Variants in THSD7B observed in about 807,000 individuals in gnomAD.
The protein encoded by THSD7B is thrombospondin type 1 domain containing 7B.
A neutral mutation model predicts 213.6 loss-of-function variants in THSD7B; 138 were observed. The ratio of observed to expected loss-of-function variants is 0.65; its 90% confidence interval spans 0.56 to 0.74. The LOEUF (loss-of-function observed/expected upper bound fraction) is 0.74, where lower values mean the gene tolerates loss of function less well. Among genes scored for constraint, THSD7B ranks in the 30% least tolerant of loss-of-function variants. The pLI is 0.00. For missense variants in THSD7B, 1,931 were observed against 1,991.5 expected (o/e 0.97, Z 0.58); for synonymous variants, 742 against 687.0 (o/e 1.08, Z -1.25).
intron 1 of THSD7B, among the ~76,000 whole-genome samples, chr2:136,819,210 A>G (rs1383028585): frequency 6.6e-6 from 1 of 152,232 alleles, no homozygotes; most frequent in East Asian, 1.9e-4. Flanking sequence ...GGTCTTTAAA[A>G]GTCAAGATCA....
At chr2:136,903,220 A>G (rs579944) in intron 2 of THSD7B, among the ~76,000 whole-genome samples, 65,344 of 152,130 alleles carry the variant, frequency 0.43, 15,629 homozygotes, top group Non-Finnish European at 0.55. Context: ...GTTGCCTGGC[A>G]TATATTAAAT....
rs1192969273 is a variant in THSD7B, at chr2:137,616,196, C to T, written c.3445C>T (p.Gln1149Ter). Residue 1149 changes from glutamine to a stop codon, truncating the protein, a stop_gained, in exon 18 of 28, where the codon CAG (glutamine) becomes TAG (stop). Transcript: ENST00000409968. LOFTEE classifies it high-confidence loss of function. ...ATAGTCATGCGATCCCCACACAATG[C>T]AGAGAAGAACTCGCCACCTGCTAAG... is the stretch of plus-strand genomic sequence containing the variant. ...CPQSCDPHTMQRRTRHLLRPS... is the reference protein window; with the variant it reads ...CPQSCDPHTM 3.7e-6 allele frequency: 6 copies of T among 1,613,648 alleles called. No individual in the cohort carries two copies. Among genetic ancestry groups the T allele is most frequent in the Non-Finnish European group, 5.1e-6 (6 of 1,179,700 alleles).
intron 12 of THSD7B, among the ~76,000 whole-genome samples, chr2:137,285,475 G>A (rs896891778): frequency 6.6e-6 from 1 of 151,892 alleles, no homozygotes; most frequent in African/African-American, 2.4e-5. Flanking sequence ...CTCATTAGTT[G>A]ATGCAGTTTC....
At chr2:137,610,730 T>C (rs79421735) in intron 17 of THSD7B, among the ~76,000 whole-genome samples, 7,395 of 152,196 alleles carry the variant, frequency 0.049, 233 homozygotes, top group Middle Eastern at 0.092. Flanking sequence ...AAAAAATTAA[T>C]TTGTCTGACA....
At chr2:137,268,747 T>C (rs1682662684) in intron 10 of THSD7B, among the ~76,000 whole-genome samples, 1 of 152,250 alleles carries the variant, frequency 6.6e-6, no homozygotes, top group South Asian at 2.1e-4. Context: ...GCCTTAACCA[T>C]CTGGAAATGC....
intron 1 of THSD7B, among the ~76,000 whole-genome samples, chr2:136,848,130 C>G (rs1325386294): frequency 6.6e-6 from 1 of 152,188 alleles, no homozygotes; most frequent in Non-Finnish European, 1.5e-5. Flanking sequence ...ATCCAGGTTT[C>G]TCATACAGTG....
At chr2:137,657,199 A>T (rs779953879) in intron 24 of THSD7B, 39 bp downstream of exon 24, 28 of 1,572,690 alleles carry the variant, frequency 1.8e-5, no homozygotes, top group African/African-American at 8.1e-5. Flanking sequence ...CTTCACAAAC[A>T]CCCCTGAGTG....
At chr2:136,973,919 C>A (rs1685441640) in intron 2 of THSD7B, among the ~76,000 whole-genome samples, 1 of 152,118 alleles carries the variant, frequency 6.6e-6, no homozygotes, top group Non-Finnish European at 1.5e-5. Context: ...TGCGATAATG[C>A]ATTGTGTAAC....
intron 3 of THSD7B, among the ~76,000 whole-genome samples, chr2:137,080,962 A>G (rs550450772): frequency 6.6e-6 from 1 of 152,304 alleles, no homozygotes; most frequent in East Asian, 1.9e-4. Flanking sequence ...GGAGATTCAA[A>G]TCTGTTTGAA....
chr2:137,419,489 G>GC (rs371311047), intron 14 of THSD7B, among the ~76,000 whole-genome samples: 3 of 150,886 alleles, frequency 2.0e-5, no homozygotes, highest in Non-Finnish European at 3.0e-5. Context: ...ATGCCAAGGT[G>GC]CCCCCCACCT....
At chr2:137,014,271 CG>C (rs1451861378) in intron 2 of THSD7B, among the ~76,000 whole-genome samples, 3 of 152,152 alleles carry the variant, frequency 2.0e-5, no homozygotes, top group African/African-American at 7.2e-5. Context: ...AGCATTCACA[CG>C]TCTCTGCAAC....
At chr2:136,865,984 A>G (rs773238981) in intron 1 of THSD7B, among the ~76,000 whole-genome samples, 6 of 152,178 alleles carry the variant, frequency 3.9e-5, no homozygotes, top group African/African-American at 1.2e-4. Flanking sequence ...GTAAGATGAC[A>G]TATTGTGTTA....
At chr2:136,946,352 A>G (rs578212755) in intron 2 of THSD7B, among the ~76,000 whole-genome samples, 30 of 152,188 alleles carry the variant, frequency 2.0e-4, no homozygotes, top group African/African-American at 7.0e-4. Context: ...TTCCTCTGGA[A>G]GGTTCATCCC....
chr2:137,323,042 A>G (rs1402360893), intron 12 of THSD7B, among the ~76,000 whole-genome samples: 3 of 152,154 alleles, frequency 2.0e-5, no homozygotes, highest in Non-Finnish European at 4.4e-5. Flanking sequence ...CCTGACTCTC[A>G]GGCAAGCTCA....
chr2:137,646,198 T>C (rs1043467264), intron 21 of THSD7B, among the ~76,000 whole-genome samples: 13 of 152,002 alleles, frequency 8.6e-5, no homozygotes, highest in South Asian at 4.1e-4. Flanking sequence ...AATTCAGAAG[T>C]GGAGTTATTG....
At chr2:137,522,528 CT>C (rs376162135) in intron 15 of THSD7B, among the ~76,000 whole-genome samples, 6,695 of 145,642 alleles carry the variant, frequency 0.046, 262 homozygotes, top group African/African-American at 0.11. Context: ...TTCAGAGTCA[CT>C]TTTTTTTTTT....
intron 1 of THSD7B, among the ~76,000 whole-genome samples, chr2:136,877,574 G>A (rs1401455853): frequency 2.0e-5 from 3 of 152,308 alleles, no homozygotes; most frequent in East Asian, 1.9e-4. Context: ...TCCCTGGATT[G>A]AGGCAGGCTG....
At chr2:137,203,611 G>A (rs2105026564) in intron 7 of THSD7B, among the ~76,000 whole-genome samples, 1 of 152,084 alleles carries the variant, frequency 6.6e-6, no homozygotes, top group South Asian at 2.1e-4. Flanking sequence ...AGGTATAAGT[G>A]TAATTTATTA....
At chr2:136,900,448 C>G (rs1258453086) in intron 2 of THSD7B, among the ~76,000 whole-genome samples, 1 of 151,910 alleles carries the variant, frequency 6.6e-6, no homozygotes, top group Non-Finnish European at 1.5e-5. Context: ...TTAGATCACA[C>G]TACACACACA....
Sources: allele counts gnomAD v4.1 joint callset (sites outside exome capture counted in the v4.1 genomes callset), GRCh38; gene constraint gnomAD v4.1.1; transcripts MANE v1.5; gene names NCBI Gene and HGNC (gene_info 2026-07-23, HGNC 2026-07-21).